HECW1: variants seen among roughly 807,000 people sequenced by gnomAD.
The protein encoded by HECW1 is E3 ubiquitin-protein ligase HECW1.
HECW1 carries 61 observed loss-of-function variants against 182.3 expected under a neutral mutation model. The observed-to-expected ratio is 0.33, with a 90% confidence interval of 0.27 to 0.41. The LOEUF is 0.41. Among genes scored for constraint, HECW1 ranks in the 10% least tolerant of loss-of-function variants. HECW1 has a pLI of 1.00. For synonymous variants in HECW1, 859 were observed against 832.6 expected (o/e 1.03, Z -0.55); for missense variants, 1,739 against 2,108.9 (o/e 0.82, Z 3.44).
rs779152061 is a variant in HECW1 at position 43,463,699 on chromosome 7, C to T, written c.2691C>T (p.Ser897=). 2.2e-5 allele frequency: 36 copies of T among 1,613,768 alleles called. No individual in the cohort carries two copies. Among genetic ancestry groups the T allele is most frequent in the East Asian group, 2.2e-4 (10 of 44,884 alleles). ...NIQRTIATER[S]EEDSGSQSCE... is the part of the protein sequence containing the mutation. The stretch of plus-strand genomic sequence containing the variant: ...AGCGAACCATTGCAACAGAGAGGTC[C>T]GAAGAAGATTCTGGCAGCCAAAGCT... Residue 897 remains serine (S), a synonymous_variant, in exon 14 of 30, where the codon TCC becomes TCT. Transcript: ENST00000395891.
intron 2 of HECW1, among the ~76,000 whole-genome samples, chr7:43,162,231 G>A (rs940086533): frequency 1.1e-4 from 17 of 152,216 alleles, no homozygotes; most frequent in South Asian, 4.1e-4. Flanking sequence ...TTGGGCTGCC[G>A]TAACAAATTA....
At chr7:43,219,032 C>T (rs776697553) in intron 2 of HECW1, among the ~76,000 whole-genome samples, 111 of 152,236 alleles carry the variant, frequency 7.3e-4, no homozygotes, top group Non-Finnish European at 1.3e-3. Context: ...TTGCATAGGG[C>T]TCAGGGGATT....
At chr7:43,382,840 T>C (rs2152828605) in intron 6 of HECW1, among the ~76,000 whole-genome samples, 1 of 152,298 alleles carries the variant, frequency 6.6e-6, no homozygotes, top group East Asian at 1.9e-4. Context: ...GGTATACATG[T>C]GCCATGGTGG....
intron 2 of HECW1, among the ~76,000 whole-genome samples, chr7:43,189,085 C>T (rs975429795): frequency 6.6e-6 from 1 of 152,108 alleles, no homozygotes; most frequent in South Asian, 2.1e-4. Context: ...CTTACAGAGG[C>T]AGTTGTGTGT....
rs181809161 is a variant in HECW1, at chr7:43,537,467, C to T, written c.4020-3696C>T. ...GACCTGTGTTAACAGCTAATGTAAT[C>T]AACTTCCCCACAGGCAATTGTTTAG... On this transcript the variant is annotated intron_variant, in intron 24 of 29. Transcript: ENST00000395891. 1.4e-4 allele frequency among the ~76,000 whole-genome samples: 22 copies of T among 152,326 alleles called. No individual in the cohort carries two copies. In the East Asian group the frequency reaches 2.7e-3, roughly 19 times the overall value.
intron 19 of HECW1, among the ~76,000 whole-genome samples, chr7:43,493,550 A>C (rs576505512): frequency 3.3e-5 from 5 of 152,340 alleles, no homozygotes; most frequent in African/African-American, 9.6e-5. Context: ...AATATTGAGC[A>C]GCCGTGTTCG....
intron 2 of HECW1, among the ~76,000 whole-genome samples, chr7:43,211,096 T>G (rs964589788): frequency 2.0e-5 from 3 of 152,178 alleles, no homozygotes; most frequent in Non-Finnish European, 4.4e-5. Flanking sequence ...TTTTGCCTAA[T>G]TAGCATTTTA....
intron 3 of HECW1, among the ~76,000 whole-genome samples, chr7:43,281,458 T>C (rs1803891930): frequency 6.6e-6 from 1 of 152,208 alleles, no homozygotes; most frequent in Non-Finnish European, 1.5e-5. Flanking sequence ...CATTTACAGA[T>C]AGAAAACCTG....
rs951778976 is a variant in HECW1, at chr7:43,247,966, AGAG to A, written c.27+4035_27+4037del. 3.7e-5 allele frequency among the ~76,000 whole-genome samples: 5 copies of A among 133,998 alleles called. 1 individual carries two copies. The highest frequency in any genetic ancestry group is 4.1e-3 in the Middle Eastern group (1 of 246). 87.9% of individuals were successfully genotyped at this position (133,998 alleles called of 152,430 possible). A position where few individuals can be genotyped will look rare whatever the true frequency, so the allele number is the denominator to read the frequency against. ...GAAAAAAGGAGGGAAGGAAAGAAAA[AGAG>A]AAAGGAAAGAAGGAAGGAAGAAGGA... On this transcript the variant is annotated intron_variant, in intron 3 of 29. Coordinates refer to ENST00000395891, the MANE Select transcript of HECW1 (RefSeq NM_015052.5).
In HECW1 at chr7:43,129,497, T is replaced by A. The variant is rs554187783; in HGVS notation, c.-32+15106T>A. Among the ~76,000 whole-genome samples, 3 of 152,248 alleles carry A rather than the reference T, an allele frequency of 2.0e-5. No individual in the cohort carries two copies. In the South Asian group the frequency reaches 6.2e-4, roughly 32 times the overall value. The stretch of plus-strand genomic sequence containing the variant: ...GACTACAGTATAGTGTAAACATAAC[T>A]TTTATGTGCACCAGAAAAGCAAAAA... On this transcript the variant is annotated intron_variant, in intron 2 of 29. Transcript: ENST00000395891.
At chr7:43,117,571 G>A (rs1785165014) in intron 2 of HECW1, among the ~76,000 whole-genome samples, 1 of 152,126 alleles carries the variant, frequency 6.6e-6, no homozygotes, top group Admixed American at 6.5e-5. Context: ...ATCTTTTAAC[G>A]ATATTGTTTA....
intron 6 of HECW1, among the ~76,000 whole-genome samples, chr7:43,367,555 G>A (rs1178347157): frequency 1.3e-5 from 2 of 152,202 alleles, no homozygotes; most frequent in Non-Finnish European, 2.9e-5. Context: ...AGGAGCTATA[G>A]ATTAAATGAT....
At chr7:43,422,520 G>A (rs1327444586) in intron 8 of HECW1, among the ~76,000 whole-genome samples, 2 of 151,636 alleles carry the variant, frequency 1.3e-5, no homozygotes, top group African/African-American at 2.4e-5. Context: ...ACATCACTAC[G>A]CCTGGTTAAT....
At chr7:43,448,427 C>T (rs1383245249) in intron 11 of HECW1, among the ~76,000 whole-genome samples, 1 of 152,146 alleles carries the variant, frequency 6.6e-6, no homozygotes, top group Non-Finnish European at 1.5e-5. Flanking sequence ...AGTCAGGCCT[C>T]CTGGATTTAT....
At chr7:43,299,489 G>A (rs947187173) in intron 3 of HECW1, among the ~76,000 whole-genome samples, 11 of 152,086 alleles carry the variant, frequency 7.2e-5, no homozygotes, top group South Asian at 2.1e-4. Flanking sequence ...GCTTTTGTCC[G>A]TGAGTTCAAA....
At chr7:43,239,025 T>C (rs1033544569) in intron 2 of HECW1, 7 of 152,150 alleles carry the variant, frequency 4.6e-5, no homozygotes, top group African/African-American at 1.7e-4. Context: ...GACAATAGAT[T>C]GGGACAAAAC....
intron 2 of HECW1, among the ~76,000 whole-genome samples, chr7:43,153,234 A>G (rs1307629659): frequency 6.6e-6 from 1 of 151,806 alleles, no homozygotes; most frequent in African/African-American, 2.4e-5. Context: ...TTTCATTGTC[A>G]TTATTTCTTG....
At chr7:43,452,898 C>G (rs1189897799) in intron 12 of HECW1, among the ~76,000 whole-genome samples, 2 of 152,208 alleles carry the variant, frequency 1.3e-5, no homozygotes, top group Non-Finnish European at 2.9e-5. Context: ...TGGCCACTGC[C>G]AGTCGGGAGT....
rs933287885 is a variant in HECW1 at position 43,562,095 on chromosome 7, T to G, written c.*169T>G. On this transcript the variant is annotated 3_prime_UTR_variant, in exon 30 of 30. Transcript: ENST00000395891. ...AAGCTGTGCATGAAGAACTGCCTTC[T>G]TCTAAGATCTAACCTTCAGGCTTCT... 5.1e-6 allele frequency: 3 copies of G among 585,908 alleles called. No homozygotes were observed. The African/African-American group carries it at 5.6e-5, about 11-fold the overall frequency. 36.3% of individuals were successfully genotyped at this position (585,908 alleles called of 1,614,324 possible). A position where few individuals can be genotyped will look rare whatever the true frequency, so the allele number is the denominator to read the frequency against.
Sources: gnomAD v4.1 joint callset for allele counts (sites outside exome capture counted in the v4.1 genomes callset) on GRCh38, gnomAD v4.1.1 for gene constraint, MANE v1.5 for transcripts, NCBI Gene and HGNC (gene_info 2026-07-23, HGNC 2026-07-21) for gene names.